The following CIP2A variants were observed in gnomAD, a reference collection of about 807,000 sequenced individuals.
CIP2A encodes the protein protein CIP2A.
A neutral mutation model predicts 110.9 loss-of-function variants in CIP2A; 103 were observed. That is an observed-to-expected ratio of 0.93 (90% confidence interval 0.79 to 1.09). The LOEUF (loss-of-function observed/expected upper bound fraction) is 1.09. Ranked by LOEUF, CIP2A falls within the 50% of genes least tolerant of loss-of-function variation. CIP2A has a pLI of 0.00. For missense variants in CIP2A, 1,088 were observed against 1,038.4 expected (o/e 1.05, Z -0.66); for synonymous variants, 381 against 361.6 (o/e 1.05, Z -0.61).
chr3:108,582,977 C>G lies in CIP2A; in HGVS notation c.357G>C (p.Gln119His), dbSNP rs1049021526. The change falls in exon 3 of 21, where the codon CAG becomes CAC. Residue 119 changes from glutamine (Q) to histidine (H), a missense_variant and splice_region_variant. Transcript: ENST00000295746. ...GAATACACTGTGTGGGTCTGTATAC[C>G]TGCAAAAACACCGAATCAGTGTGGC... The part of the protein sequence containing the change: ...RSSHTDSVFL[Q>H]CIQLLQKLTY... 1 of 1,599,750 alleles carries G rather than the reference C, an allele frequency of 6.3e-7. No individual in the cohort carries two copies. The highest frequency in any genetic ancestry group is 1.3e-5 in the African/African-American group (1 of 74,602).
chr3:108,551,459 C>T lies in CIP2A; in HGVS notation c.2548-140G>A, dbSNP rs1044807451. 5.5e-5 allele frequency: 28 copies of T among 513,736 alleles called. No homozygotes were observed. The Admixed American group carries it at 6.8e-4, about 13-fold the overall frequency. 31.8% of individuals were successfully genotyped at this position (513,736 alleles called of 1,614,324 possible). A position where few individuals can be genotyped will look rare whatever the true frequency, so the allele number is the denominator to read the frequency against. ...AAGACATACTATAAATATTATACTT[C>T]AGTTAATTCAATTACATGGTAAGTT... On this transcript the variant is annotated intron_variant, in intron 20 of 20. Coordinates refer to ENST00000295746, the MANE Select transcript of CIP2A (RefSeq NM_020890.3).
rs1439758020 is a variant in CIP2A at position 108,579,603 on chromosome 3, A to G, written c.635T>C (p.Leu212Ser). 7 of 1,598,870 alleles carry G rather than the reference A, an allele frequency of 4.4e-6. No individual in the cohort carries two copies. The highest frequency in any genetic ancestry group is 6.0e-6 in the Non-Finnish European group (7 of 1,170,112). Residue 212 changes from leucine (L) to serine (S), a missense_variant, in exon 6 of 21, where the codon TTA becomes TCA. By Grantham distance (145) the Leu-to-Ser change is moderately radical. Transcript: ENST00000295746. ...LTVVVFALSI[L>S]SSLTLNEEVG... The stretch of plus-strand genomic sequence containing the variant: ...CTCTTCATTTAATGTCAAACTGGAT[A>G]ATATTGAAAGTGCAAACACAACCAC...
At chr3:108,586,005 T>G (rs1939030284) in intron 1 of CIP2A, among the ~76,000 whole-genome samples, 1 of 152,038 alleles carries the variant, frequency 6.6e-6, no homozygotes, top group Admixed American at 6.5e-5. Context: ...TCAACATACT[T>G]TATGGATGTA....
rs370883284 is a variant in CIP2A, at chr3:108,569,517, C to T, written c.985G>A (p.Ala329Thr). 9.3e-6 allele frequency: 15 copies of T among 1,612,696 alleles called. No homozygotes were observed. The highest frequency in any genetic ancestry group is 4.5e-5 in the East Asian group (2 of 44,778). The change falls in exon 9 of 21, where the codon GCC becomes ACC. Residue 329 changes from alanine (A) to threonine (T), a missense_variant. Ala to Thr is a moderately conservative substitution (Grantham distance 58). Transcript: ENST00000295746. ...MMFEQSPPGSATLGSHTKCLE... is the reference protein window; with the variant it reads ...MMFEQSPPGSTTLGSHTKCLE... ...CATTTAGTATGGCTTCCCAGAGTGGCGCTGCCAGGTGGAGACTGTTCAAAC... is the reference window on the plus strand; with the variant it reads ...CATTTAGTATGGCTTCCCAGAGTGGTGCTGCCAGGTGGAGACTGTTCAAAC...
At position 108,586,617 on chromosome 3, in the gene CIP2A, A is replaced by G. The variant is rs192967440; in HGVS notation, c.103-1405T>C. Among the ~76,000 whole-genome samples the G allele has an allele frequency of 4.0e-3, 603 of 152,326 alleles. 4 individuals carry two copies. The highest frequency in any genetic ancestry group is 6.4e-3 in the Non-Finnish European group (433 of 68,010). ...CTAGGCATCGATCTAGGCACTTTAC[A>G]TATGTGAACTCTTTTCATCTTCATA... On this transcript the variant is annotated intron_variant, in intron 1 of 20. Transcript: ENST00000295746.
intron 2 of CIP2A, 90 bp from the exon 3 acceptor site, chr3:108,583,173 T>A: frequency 1.6e-6 from 1 of 621,492 alleles, no homozygotes; most frequent in Non-Finnish European, 2.5e-6. Context: ...ATGAATTTAT[T>A]ATTAAAAAAG....
intron 9 of CIP2A, 45 bp from the exon 10 acceptor site, chr3:108,568,359 A>G: frequency 6.5e-7 from 1 of 1,530,970 alleles, no homozygotes; most frequent in Non-Finnish European, 9.0e-7. Flanking sequence ...AAGATGGAAT[A>G]TACAATACAG....
At chr3:108,562,420 C>T (rs560033445) in intron 13 of CIP2A, among the ~76,000 whole-genome samples, 20 of 152,182 alleles carry the variant, frequency 1.3e-4, no homozygotes, top group Non-Finnish European at 2.8e-4. Context: ...GTTTGCTGAT[C>T]CCGGTATACA....
At chr3:108,584,205 G>C (rs992499961) in intron 2 of CIP2A, among the ~76,000 whole-genome samples, 1 of 152,052 alleles carries the variant, frequency 6.6e-6, no homozygotes, top group Admixed American at 6.6e-5. Flanking sequence ...CACTATTAGG[G>C]GAATAGTTGA....
chr3:108,566,098 G>T (rs1187758319), intron 11 of CIP2A, among the ~76,000 whole-genome samples: 1 of 151,674 alleles, frequency 6.6e-6, no homozygotes, highest in Non-Finnish European at 1.5e-5. Context: ...AAGGAGAGTT[G>T]TCTGTTATTA....
intron 16 of CIP2A, among the ~76,000 whole-genome samples, chr3:108,558,470 T>G (rs545488741): frequency 6.6e-6 from 1 of 152,132 alleles, no homozygotes; most frequent in African/African-American, 2.4e-5. Context: ...ATACATTATA[T>G]ATGTACATAA....
chr3:108,560,180 C>CT (rs897198029), intron 14 of CIP2A, 152 bp from the exon 15 acceptor site: 27,170 of 445,648 alleles, frequency 0.061, no homozygotes, highest in South Asian at 0.078. Flanking sequence ...ACAAATATTT[C>CT]TTTTTTTTTT....
Position 108,576,269 on chromosome 3 carries a change from A to G in CIP2A, c.894+2T>C. The G allele has an allele frequency of 1.3e-6, 2 of 1,523,216 alleles. No homozygotes were observed. Among genetic ancestry groups the G allele is most frequent in the Non-Finnish European group, 1.8e-6 (2 of 1,133,766 alleles). 94.4% of individuals were successfully genotyped at this position (1,523,216 alleles called of 1,614,324 possible). A position where few individuals can be genotyped will look rare whatever the true frequency, so the allele number is the denominator to read the frequency against. Reference sequence around the variant, plus strand: ...TAAATGAAAAGTCATGTTTTTACATACCTTTGAAGAGGAATCAGGATCCTT... The same window carrying G: ...TAAATGAAAAGTCATGTTTTTACATGCCTTTGAAGAGGAATCAGGATCCTT... On this transcript the variant is annotated splice_donor_variant, in intron 8 of 20. Coordinates refer to ENST00000295746, the MANE Select transcript of CIP2A (RefSeq NM_020890.3). LOFTEE classifies it high-confidence loss of function.
At chr3:108,582,003 TTA>T (rs1356481855) in intron 4 of CIP2A, 103 bp downstream of exon 4, 2 of 553,310 alleles carry the variant, frequency 3.6e-6, no homozygotes, top group Non-Finnish European at 3.2e-6. Context: ...CTCACTCAGT[TTA>T]TATGTTAGAA....
At chr3:108,560,314 G>A (rs1937956361) in intron 14 of CIP2A, among the ~76,000 whole-genome samples, 1 of 151,956 alleles carries the variant, frequency 6.6e-6, no homozygotes, top group African/African-American at 2.4e-5. Flanking sequence ...TGAGACAACA[G>A]GCATGAGCCA....
intron 10 of CIP2A, 49 bp downstream of exon 10, chr3:108,568,106 A>G: frequency 6.9e-7 from 1 of 1,445,520 alleles, no homozygotes; most frequent in Admixed American, 2.0e-5. Context: ...ACTAGAAAAA[A>G]AAGAATGGTT....
At chr3:108,584,586 T>G (rs1938986024) in intron 2 of CIP2A, among the ~76,000 whole-genome samples, 1 of 152,168 alleles carries the variant, frequency 6.6e-6, no homozygotes, top group Middle Eastern at 3.2e-3. Context: ...GCTTAATAGC[T>G]CCATGTGGCT....
Position 108,563,183 on chromosome 3 carries a change from T to C in CIP2A, c.1577A>G (p.Gln526Arg). 6.2e-7 allele frequency: 1 copy of C among 1,613,044 alleles called. No homozygotes were observed. Among genetic ancestry groups the C allele is most frequent in the Non-Finnish European group, 8.5e-7 (1 of 1,179,206 alleles). ...CTCCAATAATATTCTCAGTCCAGAC[T>C]GTACTTGTTCTCTATTATCTGACGT... Reference protein sequence around the residue: ...ALTSDNREQVQSGLRILLEAA... With the variant: ...ALTSDNREQVRSGLRILLEAA... The change falls in exon 13 of 21, where the codon CAG becomes CGG. Residue 526 changes from glutamine (Q) to arginine (R), a missense_variant. Physicochemically the swap from Gln to Arg is conservative, Grantham distance 43. Coordinates refer to ENST00000295746, the MANE Select transcript of CIP2A (RefSeq NM_020890.3).
chr3:108,557,302 T>C lies in CIP2A; in HGVS notation c.2126A>G (p.His709Arg), dbSNP rs754063285. 1.2e-6 allele frequency: 2 copies of C among 1,611,690 alleles called. No homozygotes were observed. Among genetic ancestry groups the C allele is most frequent in the African/African-American group, 1.3e-5 (1 of 74,866 alleles). The change falls in exon 17 of 21, where the codon CAT becomes CGT. Residue 709 changes from histidine (H) to arginine (R), a missense_variant. Physicochemically the swap from His to Arg is conservative, Grantham distance 29. Transcript: ENST00000295746. ...ESERAQSDIEHLFQHNRKLES... is the reference protein window; with the variant it reads ...ESERAQSDIERLFQHNRKLES... ...TAACTTCCTATTATGTTGAAAGAGA[T>C]GCTCAATATCACTCTGCGCTCTTTC...
Sources: gnomAD v4.1 joint callset for allele counts (sites outside exome capture counted in the v4.1 genomes callset) on GRCh38, gnomAD v4.1.1 for gene constraint, MANE v1.5 for transcripts, NCBI Gene and HGNC (gene_info 2026-07-23, HGNC 2026-07-21) for gene names.